COX4I1: variants seen among roughly 807,000 people sequenced by gnomAD.
COX4I1 encodes cytochrome c oxidase subunit 4I1, also known as cytochrome c oxidase subunit 4 isoform 1, mitochondrial.
In COX4I1, 18 loss-of-function variants were observed where a neutral mutation model predicts 21.7. The observed-to-expected ratio is 0.83, with a 90% CI of 0.57 to 1.23. The LOEUF (loss-of-function observed/expected upper bound fraction) is 1.23. COX4I1 is among the 50% of genes most tolerant of loss of function. COX4I1 has a pLI of 0.00. For missense variants in COX4I1, 238 were observed against 220.7 expected (o/e 1.08, Z -0.50); for synonymous variants, 100 against 81.5 (o/e 1.23, Z -1.23).
chr16:85,805,845 C>G lies in COX4I1; in HGVS notation c.354C>G (p.Ile118Met), dbSNP rs11557184. The G allele has an allele frequency of 6.2e-7, 1 of 1,614,238 alleles. No individual in the cohort carries two copies. Among genetic ancestry groups the G allele is most frequent in the Non-Finnish European group, 8.5e-7 (1 of 1,180,042 alleles). Residue 118 changes from isoleucine (I) to methionine (M), a missense_variant, in exon 4 of 5, where the codon ATC becomes ATG. By Grantham distance (10) the Ile-to-Met change is conservative. Transcript: ENST00000253452. Reference sequence around the variant, plus strand: ...TCATCGGTTTCACCGCGCTCGTTATCATGTGGCAGAAGCACTATGGTGAGT... The same window carrying G: ...TCATCGGTTTCACCGCGCTCGTTATGATGTGGCAGAAGCACTATGGTGAGT... Reference protein sequence around the residue: ...MFFIGFTALVIMWQKHYVYGP... With the variant: ...MFFIGFTALVMMWQKHYVYGP...
intron 2 of COX4I1, 60 bp from the exon 3 acceptor site, chr16:85,804,877 A>G: frequency 1.3e-6 from 2 of 1,497,884 alleles, no homozygotes; most frequent in South Asian, 1.3e-5. Context: ...CAGAAGTATC[A>G]CCTTGGGGTG....
chr16:85,806,621 C>A, intron 4 of COX4I1, 117 bp from the exon 5 acceptor site: 2 of 1,464,048 alleles, frequency 1.4e-6, no homozygotes, highest in Non-Finnish European at 1.9e-6. Flanking sequence ...TGTTGAGTGG[C>A]AGGTGGCTCT....
chr16:85,803,150 G>T (rs747183941), intron 2 of COX4I1: 37 of 152,150 alleles, frequency 2.4e-4, no homozygotes, highest in Non-Finnish European at 4.6e-4. Flanking sequence ...CTTCTGGGGG[G>T]TGCTGAACTT....
At chr16:85,806,140 A>G (rs1004711603) in intron 4 of COX4I1, 15 of 584,554 alleles carry the variant, frequency 2.6e-5, no homozygotes, top group South Asian at 2.4e-4. Context: ...TTCAGTAGCA[A>G]TTTATGTGCT....
intron 3 of COX4I1, 156 bp from the exon 4 acceptor site, chr16:85,805,577 G>A (rs1252999799): frequency 1.8e-5 from 19 of 1,054,676 alleles, no homozygotes; most frequent in South Asian, 3.1e-5. Context: ...GTGTGTGCAC[G>A]TACGTGCGTG....
Position 85,801,479 on chromosome 16 carries a change from G to C in COX4I1, c.73+201G>C, listed in dbSNP as rs150346368. Reference sequence around the variant, plus strand: ...AAATTGAATCTCTTCTGGATCTTTGGTTATACTGATACTTCCCCACTTACC... The same window carrying C: ...AAATTGAATCTCTTCTGGATCTTTGCTTATACTGATACTTCCCCACTTACC... On this transcript the variant is annotated intron_variant, in intron 2 of 4. Coordinates refer to ENST00000253452, the MANE Select transcript of COX4I1 (RefSeq NM_001861.6). 4.4e-3 allele frequency among the ~76,000 whole-genome samples: 675 copies of C among 152,146 alleles called. 5 individuals carry two copies. The highest frequency in any genetic ancestry group is 6.0e-3 in the Non-Finnish European group (406 of 67,998).
rs1427902927 is a variant in COX4I1 at position 85,806,775 on chromosome 16, G to T, written c.411G>T (p.Trp137Cys). 7 of 1,614,140 alleles carry T rather than the reference G, an allele frequency of 4.3e-6. No homozygotes were observed. Among genetic ancestry groups the T allele is most frequent in the East Asian group, 2.2e-5 (1 of 44,874 alleles). Residue 137 changes from tryptophan (W) to cysteine (C), a missense_variant, in exon 5 of 5, where the codon TGG becomes TGT. Transcript: ENST00000253452. ...GPLPQSFDKE[W>C]VAKQTKRMLD... ...TCCCGCAAAGCTTTGACAAAGAGTG[G>T]GTGGCCAAGCAGACCAAGAGGATGC...
intron 2 of COX4I1, among the ~76,000 whole-genome samples, chr16:85,802,736 T>C (rs967321814): frequency 6.6e-6 from 1 of 152,190 alleles, no homozygotes; most frequent in African/African-American, 2.4e-5. Flanking sequence ...AGTCTTTGTT[T>C]TTCTCTCTCT....
At position 85,804,940 on chromosome 16, in the gene COX4I1, G is replaced by A. The variant is rs139489638; in HGVS notation, c.77G>A (p.Ser26Asn). The change falls in exon 3 of 5, where the codon AGT becomes AAT. Residue 26 changes from serine (S) to asparagine (N), a missense_variant. Transcript: ENST00000253452. ...ATTTATTCAATATGTTTTTCAGAAA[G>A]TGTTGTGAAGAGCGAAGACTTTTCG... Reference protein sequence around the residue: ...STSVCVRAHESVVKSEDFSLP... With the variant: ...STSVCVRAHENVVKSEDFSLP... 4.4e-6 allele frequency: 7 copies of A among 1,604,402 alleles called. No homozygotes were observed. In the African/African-American group the frequency reaches 6.7e-5, roughly 15 times the overall value.
At chr16:85,806,539 C>G in intron 4 of COX4I1, 199 bp from the exon 5 acceptor site, 2 of 791,144 alleles carry the variant, frequency 2.5e-6, no homozygotes, top group Non-Finnish European at 4.3e-6. Flanking sequence ...TTGTTGCTAA[C>G]TTTTTACAAA....
At chr16:85,801,847 CTG>C in intron 2 of COX4I1, among the ~76,000 whole-genome samples, 1 of 152,254 alleles carries the variant, frequency 6.6e-6, no homozygotes, top group African/African-American at 2.4e-5. Context: ...GTACCAGACA[CTG>C]TTAGGCACCG....
At chr16:85,804,838 A>T (rs1317501987) in intron 2 of COX4I1, 99 bp from the exon 3 acceptor site, 3 of 1,047,308 alleles carry the variant, frequency 2.9e-6, no homozygotes, top group Admixed American at 5.1e-5. Flanking sequence ...CAGGGTTTCA[A>T]GGCGTGCACA....
intron 3 of COX4I1, 68 bp downstream of exon 3, chr16:85,805,172 G>C: frequency 6.8e-7 from 1 of 1,478,376 alleles, no homozygotes; most frequent in Non-Finnish European, 9.0e-7. Context: ...CAGAGCCTCT[G>C]CTCACTTCTG....
chr16:85,803,912 C>G (rs1905963085), intron 2 of COX4I1: 1 of 152,276 alleles, frequency 6.6e-6, no homozygotes, highest in East Asian at 1.9e-4. Flanking sequence ...CCCCGCTGCT[C>G]TACTCTTTCT....
At chr16:85,805,354 C>T in intron 3 of COX4I1, 1 of 531,404 alleles carries the variant, frequency 1.9e-6, no homozygotes, top group African/African-American at 1.9e-5. Flanking sequence ...CTCAGCATAT[C>T]TGCTGGGTAA....
intron 1 of COX4I1, among the ~76,000 whole-genome samples, chr16:85,800,982 T>C (rs1362125880): frequency 6.6e-6 from 1 of 152,208 alleles, no homozygotes; most frequent in Non-Finnish European, 1.5e-5. Flanking sequence ...GCGTATATAT[T>C]ATGGCAGTTG....
At chr16:85,806,591 A>C (rs1299472684) in intron 4 of COX4I1, 147 bp from the exon 5 acceptor site, 1 of 1,150,066 alleles carries the variant, frequency 8.7e-7, no homozygotes, top group Non-Finnish European at 1.3e-6. Flanking sequence ...CAGTGGTCAG[A>C]AACCGTGTGT....
Position 85,801,232 on chromosome 16 carries a change from A to C in COX4I1, c.27A>C (p.Leu9=), listed in dbSNP as rs756080790. Residue 9 remains leucine, a synonymous_variant, in exon 2 of 5, where the codon CTA becomes CTC. Coordinates refer to ENST00000253452, the MANE Select transcript of COX4I1 (RefSeq NM_001861.6). ...TGTTGGCTACCAGGGTATTTAGCCT[A>C]GTTGGCAAGCGAGCAATTTCCACCT... The part of the protein sequence containing the change: MLATRVFS[L]VGKRAISTSV... The C allele has an allele frequency of 3.1e-6, 5 of 1,610,186 alleles. No individual in the cohort carries two copies. The highest frequency in any genetic ancestry group is 4.2e-6 in the Non-Finnish European group (5 of 1,176,734).
Position 85,801,175 on chromosome 16 carries a change from A to G in COX4I1, c.-1-30A>G, listed in dbSNP as rs372008173. 7.0e-6 allele frequency: 11 copies of G among 1,573,774 alleles called. No homozygotes were observed. In the African/African-American group the frequency reaches 1.3e-4, roughly 19 times the overall value. On this transcript the variant is annotated intron_variant, in intron 1 of 4. Coordinates refer to ENST00000253452, the MANE Select transcript of COX4I1 (RefSeq NM_001861.6). ...AATTCCTTGCTGTTTGTCCTTATTCATAGAGAAGGTGTACATTTTTATCTT... is the reference window on the plus strand; with the variant it reads ...AATTCCTTGCTGTTTGTCCTTATTCGTAGAGAAGGTGTACATTTTTATCTT...
Sources: gnomAD v4.1 joint callset for allele counts (sites outside exome capture counted in the v4.1 genomes callset) on GRCh38, gnomAD v4.1.1 for gene constraint, MANE v1.5 for transcripts, NCBI Gene and HGNC (gene_info 2026-07-23, HGNC 2026-07-21) for gene names.